NOS1: variants seen among roughly 807,000 people sequenced by gnomAD.
NOS1 encodes the protein NOS type I.
NOS1 carries 51 observed loss-of-function variants against 164.5 expected under a neutral mutation model. That is an observed-to-expected ratio of 0.31 (90% confidence interval 0.25 to 0.39). NOS1 has a LOEUF of 0.39. Ranked by LOEUF, NOS1 falls within the 10% of genes least tolerant of loss-of-function variation. The pLI is 1.00. For missense variants in NOS1, 1,362 were observed against 1,885.6 expected, an observed-to-expected ratio of 0.72 and a Z score of 5.14; for synonymous variants, 719 against 745.8, an observed-to-expected ratio of 0.96 and a Z score of 0.59.
chr12:117,298,143 G>A (rs1873551110), intron 3 of NOS1, among the ~76,000 whole-genome samples: 1 of 151,902 alleles, frequency 6.6e-6, no homozygotes, highest in South Asian at 2.1e-4. Flanking sequence ...ATCAGTGGGA[G>A]CACTGAGCTT....
At chr12:117,281,109 A>C (rs1873615131) in intron 7 of NOS1, among the ~76,000 whole-genome samples, 1 of 152,206 alleles carries the variant, frequency 6.6e-6, no homozygotes, top group South Asian at 2.1e-4. Flanking sequence ...ACCATGCTGA[A>C]GGAAAGAATC....
intron 22 of NOS1, among the ~76,000 whole-genome samples, chr12:117,229,562 T>TTCTATCTATCTA (rs58234141): frequency 0.036 from 5,442 of 149,374 alleles, 123 homozygotes; most frequent in African/African-American, 0.065. Flanking sequence ...TATCAAATTC[T>TTCTATCTATCTA]TCTATCTATC....
At chr12:117,359,206 G>A (rs182332611) in intron 1 of NOS1, among the ~76,000 whole-genome samples, 49 of 129,228 alleles carry the variant, frequency 3.8e-4, no homozygotes, top group Admixed American at 1.7e-3. Context: ...GGGGCCCGCC[G>A]TGGCGGTGCT....
chr12:117,234,515 C>A lies in NOS1; in HGVS notation c.3235+50G>T. 4 of 1,565,322 alleles carry A rather than the reference C, an allele frequency of 2.6e-6. No homozygotes were observed. The highest frequency in any genetic ancestry group is 3.5e-6 in the Non-Finnish European group (4 of 1,147,606). ...AAAGGTATCTTCTTCCCGAGACACC[C>A]ACTGCCTCTGCAGCTCCCTAGAGCA... On this transcript the variant is annotated intron_variant, in intron 21 of 28. Coordinates refer to ENST00000317775, the MANE Select transcript of NOS1 (RefSeq NM_000620.5). This position sits in a 1 kb window ranked among gnomAD's most constrained non-coding sequence, Gnocchi z 4.3.
chr12:117,258,890 C>G, intron 15 of NOS1, 136 bp downstream of exon 15: 2 of 630,326 alleles, frequency 3.2e-6, no homozygotes, highest in Non-Finnish European at 5.6e-6. Context: ...AACTTGGATC[C>G]AAATGGAAAT....
chr12:117,317,966 G>A (rs1874743149), intron 2 of NOS1, among the ~76,000 whole-genome samples: 1 of 152,206 alleles, frequency 6.6e-6, no homozygotes, highest in African/African-American at 2.4e-5. Context: ...GAGCCCAGGA[G>A]TTCCAGACCA....
chr12:117,338,225 CAA>C (rs1040375564), intron 1 of NOS1, among the ~76,000 whole-genome samples: 3 of 148,844 alleles, frequency 2.0e-5, no homozygotes, highest in Non-Finnish European at 4.5e-5. Flanking sequence ...TCAAACAAAA[CAA>C]AAAAAAACAA....
intron 25 of NOS1, 36 bp downstream of exon 25, chr12:117,224,980 G>A (rs1360383097): frequency 7.4e-6 from 12 of 1,613,576 alleles, no homozygotes; most frequent in Middle Eastern, 1.6e-4. Context: ...CCAGGTCCGG[G>A]GGTGGGAACC....
At chr12:117,289,944 T>C (rs1228115794) in intron 4 of NOS1, among the ~76,000 whole-genome samples, 1 of 152,182 alleles carries the variant, frequency 6.6e-6, no homozygotes, top group Non-Finnish European at 1.5e-5. Flanking sequence ...CCCAAGAGAC[T>C]TTCCCCCCTC....
intron 11 of NOS1, among the ~76,000 whole-genome samples, chr12:117,267,364 A>C (rs1872499287): frequency 6.6e-6 from 1 of 152,164 alleles, no homozygotes; most frequent in African/African-American, 2.4e-5. Flanking sequence ...AGGCAGGTGA[A>C]TCACCTGAAG....
chr12:117,286,324 TG>T (rs1217646434), intron 5 of NOS1, 58 bp from the exon 6 acceptor site: 20 of 1,578,496 alleles, frequency 1.3e-5, no homozygotes, highest in Non-Finnish European at 1.7e-5. Flanking sequence ...TAGAAGTTAG[TG>T]GAAGGGGAGA....
At chr12:117,311,415 G>T in intron 3 of NOS1, 51 bp downstream of exon 3, 2 of 1,528,560 alleles carry the variant, frequency 1.3e-6, no homozygotes, top group South Asian at 1.3e-5. Context: ...CCTGGGAGGG[G>T]GTCGAGAAGG....
chr12:117,312,380 T>C (rs1874473767), intron 2 of NOS1, among the ~76,000 whole-genome samples: 1 of 152,016 alleles, frequency 6.6e-6, no homozygotes, highest in African/African-American at 2.4e-5. Context: ...TGTGTTTTAG[T>C]GCATTTAACT....
chr12:117,311,740 G>A, intron 2 of NOS1, 148 bp from the exon 3 acceptor site: 4 of 786,494 alleles, frequency 5.1e-6, no homozygotes, highest in Non-Finnish European at 5.6e-6. Flanking sequence ...TACCCATCCT[G>A]CTGCTTCATA....
intron 1 of NOS1, among the ~76,000 whole-genome samples, chr12:117,350,070 C>T (rs1207028059): frequency 1.3e-5 from 2 of 152,018 alleles, no homozygotes; most frequent in Admixed American, 6.6e-5. Flanking sequence ...CTCTCAGCTC[C>T]CACTTCAGAG....
At position 117,272,649 on chromosome 12, in the gene NOS1, G is replaced by A. The variant is rs1454088013; in HGVS notation, c.1665-90C>T. 1.6e-6 allele frequency: 2 copies of A among 1,238,044 alleles called. No individual in the cohort carries two copies. 76.7% of individuals were successfully genotyped at this position (1,238,044 alleles called of 1,614,324 possible). ...CTAGAGATGCTGAAATGCCAAGGAT[G>A]GACTGGGACTGACAAGGTCAGAATA... On this transcript the variant is annotated intron_variant, in intron 9 of 28. Coordinates refer to ENST00000317775, the MANE Select transcript of NOS1 (RefSeq NM_000620.5). The surrounding 1 kb of genome is among the most constrained non-coding windows in gnomAD (Gnocchi z 4.3).
At chr12:117,285,702 T>C (rs567410381) in intron 6 of NOS1, among the ~76,000 whole-genome samples, 1 of 152,234 alleles carries the variant, frequency 6.6e-6, no homozygotes, top group South Asian at 2.1e-4. Context: ...CTGATCTTGA[T>C]AACAAATCTA....
intron 14 of NOS1, among the ~76,000 whole-genome samples, chr12:117,259,640 T>G (rs1411639080): frequency 1.3e-5 from 2 of 152,188 alleles, no homozygotes; most frequent in Non-Finnish European, 2.9e-5. Flanking sequence ...TGTCTCATCA[T>G]CGTCTGAGCA....
intron 2 of NOS1, among the ~76,000 whole-genome samples, chr12:117,324,201 G>C (rs532716124): frequency 2.6e-5 from 4 of 152,170 alleles, no homozygotes; most frequent in African/African-American, 7.2e-5. Context: ...ATCTATGAAA[G>C]TAGGCTGAAA....
Sources: gnomAD v4.1 joint callset for allele counts (sites outside exome capture counted in the v4.1 genomes callset) on GRCh38, gnomAD v4.1.1 for gene constraint, Gnocchi (gnomAD v3.1) non-coding constraint, MANE v1.5 for transcripts, NCBI Gene and HGNC (gene_info 2026-07-23, HGNC 2026-07-21) for gene names.